The following WDR72 variants were observed in gnomAD, a reference collection of about 807,000 sequenced individuals.
WDR72 encodes the protein WD repeat domain 72.
WDR72 carries 120 observed loss-of-function variants against 124.2 expected under a neutral mutation model. That is an observed-to-expected ratio of 0.97 (90% confidence interval 0.83 to 1.12). The LOEUF is 1.12. Ranked by LOEUF, WDR72 falls within the 50% of genes most tolerant of loss-of-function variation. The probability of loss-of-function intolerance (pLI) is 0.00; values close to 1 mark genes in which losing one functional copy is unlikely to be tolerated. For missense variants in WDR72, 1,387 were observed against 1,278.8 expected (o/e 1.08, Z -1.29); for synonymous variants, 452 against 441.7 (o/e 1.02, Z -0.29).
intron 17 of WDR72, among the ~76,000 whole-genome samples, chr15:53,608,650 G>A (rs948222508): frequency 6.6e-6 from 1 of 152,006 alleles, no homozygotes; most frequent in Admixed American, 6.6e-5. Flanking sequence ...CAGTTACTCA[G>A]GAGGCTGAGG....
At chr15:53,539,361 T>G (rs954340430) in intron 18 of WDR72, among the ~76,000 whole-genome samples, 3 of 152,148 alleles carry the variant, frequency 2.0e-5, no homozygotes, top group Non-Finnish European at 4.4e-5. Flanking sequence ...AATATGGCTG[T>G]ATTCTCTGAC....
intron 14 of WDR72, among the ~76,000 whole-genome samples, chr15:53,657,096 C>G (rs2015449237): frequency 6.6e-6 from 1 of 151,662 alleles, no homozygotes; most frequent in Non-Finnish European, 1.5e-5. Context: ...AACCCCGTCT[C>G]TACTAAAAAT....
intron 14 of WDR72, among the ~76,000 whole-genome samples, chr15:53,632,234 G>A (rs1256243616): frequency 6.6e-6 from 1 of 152,040 alleles, no homozygotes; most frequent in East Asian, 1.9e-4. Context: ...TGCTACTCCA[G>A]CACCAGTTGT....
intron 18 of WDR72, among the ~76,000 whole-genome samples, chr15:53,548,644 CTT>C (rs397947951): frequency 3.7e-4 from 50 of 135,088 alleles, no homozygotes; most frequent in Non-Finnish European, 3.6e-4. Context: ...ATGAACTGTG[CTT>C]TTTTTTTTTT....
rs67659814 is a variant in WDR72 at position 53,736,998 on chromosome 15, AACACACACACACACAC to A, written c.-12-3853_-12-3838del. 1.1e-4 allele frequency among the ~76,000 whole-genome samples: 16 copies of A among 141,226 alleles called. No individual in the cohort carries two copies. In the South Asian group the frequency reaches 1.5e-3, roughly 13 times the overall value. 92.6% of individuals were successfully genotyped at this position (141,226 alleles called of 152,430 possible). ...TGGTGTAAAACAAAGGTAGATGTAA[AACACACACACACACAC>A]ACACACACACACACACACACACACA... is the stretch of plus-strand genomic sequence containing the variant. On this transcript the variant is annotated intron_variant, in intron 1 of 19. Transcript: ENST00000360509.
intron 18 of WDR72, among the ~76,000 whole-genome samples, chr15:53,580,633 T>C (rs930439124): frequency 2.6e-5 from 4 of 151,910 alleles, no homozygotes; most frequent in Non-Finnish European, 5.9e-5. Context: ...CATTCCAGGA[T>C]GACACAGTTT....
rs1891350222 is a variant in WDR72, at chr15:53,514,912, T to C, written c.*2787A>G. The C allele has an allele frequency of 1.3e-5, 2 of 151,206 alleles. No homozygotes were observed. Among genetic ancestry groups the C allele is most frequent in the Non-Finnish European group, 2.9e-5 (2 of 67,846 alleles). The allele number at this position is 151,206 out of a possible 1,614,324, so 9.4% of individuals were successfully genotyped here. On this transcript the variant is annotated 3_prime_UTR_variant, in exon 20 of 20. Transcript: ENST00000360509. ...CCCTCCAGGCTTTCCAGGTACTTTT[T>C]CCTGCAATATACAATGGAGCCAATG...
chr15:53,633,267 T>G (rs2014500399), intron 14 of WDR72, among the ~76,000 whole-genome samples: 1 of 152,136 alleles, frequency 6.6e-6, no homozygotes, highest in South Asian at 2.1e-4. Context: ...GTTTAAAAAG[T>G]GTGTGGCATC....
At chr15:53,543,541 A>C (rs1173177026) in intron 18 of WDR72, among the ~76,000 whole-genome samples, 3 of 150,930 alleles carry the variant, frequency 2.0e-5, no homozygotes, top group African/African-American at 7.3e-5. Context: ...AAGAGAAAGC[A>C]GGAAAGATCC....
intron 1 of WDR72, among the ~76,000 whole-genome samples, chr15:53,749,783 T>C (rs1178543309): frequency 6.6e-6 from 1 of 152,144 alleles, no homozygotes; most frequent in Non-Finnish European, 1.5e-5. Flanking sequence ...CAATTGCTGA[T>C]ATGGAGAAAG....
intron 2 of WDR72, among the ~76,000 whole-genome samples, chr15:53,726,775 T>C (rs543803918): frequency 6.6e-6 from 1 of 152,126 alleles, no homozygotes; most frequent in East Asian, 1.9e-4. Context: ...GCTCTAACAG[T>C]CAAGGCTGCA....
At chr15:53,647,909 C>T (rs1350951769) in intron 14 of WDR72, among the ~76,000 whole-genome samples, 7 of 152,096 alleles carry the variant, frequency 4.6e-5, no homozygotes, top group Admixed American at 3.3e-4. Context: ...AATGCAACTA[C>T]TGAAATGCCA....
rs2014491241 is a variant in WDR72, at chr15:53,633,036, T to C, written c.1963-16793A>G. 2.6e-5 allele frequency among the ~76,000 whole-genome samples: 4 copies of C among 152,202 alleles called. No individual in the cohort carries two copies. In the South Asian group the frequency reaches 8.3e-4, roughly 31 times the overall value. ...GGATACTGTTGGGAAGGTGTGATTC[T>C]ATTTTACAATGTGAGAAGGAGATGA... is the stretch of plus-strand genomic sequence containing the variant. On this transcript the variant is annotated intron_variant, in intron 14 of 19. Transcript: ENST00000360509.
intron 14 of WDR72, among the ~76,000 whole-genome samples, chr15:53,625,180 A>G (rs1036104762): frequency 6.6e-6 from 1 of 152,250 alleles, no homozygotes; most frequent in Non-Finnish European, 1.5e-5. Flanking sequence ...TTAAAAGTCT[A>G]GAACAAGTAA....
intron 13 of WDR72, among the ~76,000 whole-genome samples, chr15:53,686,036 G>A (rs202150963): frequency 0.014 from 2,118 of 147,722 alleles, 20 homozygotes; most frequent in East Asian, 0.045. Flanking sequence ...CACCAGGCCT[G>A]CCTTACAAGA....
intron 18 of WDR72, among the ~76,000 whole-genome samples, chr15:53,535,510 A>T (rs1892714091): frequency 6.6e-6 from 1 of 152,172 alleles, no homozygotes; most frequent in Non-Finnish European, 1.5e-5. Flanking sequence ...ATTTAGTCTT[A>T]AAACCCTAAA....
intron 17 of WDR72, among the ~76,000 whole-genome samples, chr15:53,598,907 T>G (rs948880964): frequency 1.3e-5 from 2 of 152,112 alleles, no homozygotes; most frequent in African/African-American, 2.4e-5. Context: ...TAGTGCCTAT[T>G]AATATCTACC....
intron 13 of WDR72, among the ~76,000 whole-genome samples, chr15:53,677,411 T>C (rs1027630232): frequency 6.6e-6 from 1 of 152,188 alleles, no homozygotes; most frequent in African/African-American, 2.4e-5. Context: ...ATCAAAAAAT[T>C]CCTTTTAAAG....
Position 53,615,925 on chromosome 15 carries a change from C to A in WDR72, c.2281G>T (p.Glu761Ter), listed in dbSNP as rs755550837. 1 of 1,613,364 alleles carries A rather than the reference C, an allele frequency of 6.2e-7. No homozygotes were observed. Among genetic ancestry groups the A allele is most frequent in the South Asian group, 1.1e-5 (1 of 91,066 alleles). ...AQGDNTIKFS[E>*]ENDGIKRQKK... The stretch of plus-strand genomic sequence containing the variant: ...TGCCTTTTAATGCCATCATTTTCTT[C>A]TGAGAATTTGATGGTATTATCTCCT... Residue 761 changes from glutamate (E) to a stop codon, truncating the protein, a stop_gained, in exon 15 of 20, where the codon GAA becomes TAA. Coordinates refer to ENST00000360509, the MANE Select transcript of WDR72 (RefSeq NM_182758.4). LOFTEE classifies it high-confidence loss of function.
Sources: allele counts gnomAD v4.1 joint callset (sites outside exome capture counted in the v4.1 genomes callset), GRCh38; gene constraint gnomAD v4.1.1; transcripts MANE v1.5; gene names NCBI Gene and HGNC (gene_info 2026-07-23, HGNC 2026-07-21).